Variants in IL1RAPL1 observed in about 807,000 individuals in gnomAD.
IL1RAPL1 encodes the protein interleukin 1 receptor accessory protein like 1, also known as interleukin-1 receptor accessory protein-like 1.
IL1RAPL1 carries 3 observed loss-of-function variants against 48.4 expected under a neutral mutation model. The ratio of observed to expected loss-of-function variants is 0.06; its 90% CI spans 0.03 to 0.16. The LOEUF is 0.16. Among genes scored for constraint, IL1RAPL1 ranks in the 10% least tolerant of loss-of-function variants. IL1RAPL1 has a pLI of 1.00. For synonymous variants in IL1RAPL1, 185 were observed against 187.7 expected, an observed-to-expected ratio of 0.99 and a Z score of 0.12; for missense variants, 349 against 530.6, an observed-to-expected ratio of 0.66 and a Z score of 3.36.
At chrX:28,603,798 A>G (rs1224042854) in intron 1 of IL1RAPL1, among the ~76,000 whole-genome samples, 1 of 112,704 alleles carries the variant, frequency 8.9e-6, no homozygotes, top group Non-Finnish European at 1.9e-5. Flanking sequence ...TGGTAGATAT[A>G]TGACATTTGC....
At chrX:29,001,897 CTTTTTT>C (rs758737454) in intron 2 of IL1RAPL1, among the ~76,000 whole-genome samples, 1 of 90,166 alleles carries the variant, frequency 1.1e-5, no homozygotes. Flanking sequence ...CAATGAAGAA[CTTTTTT>C]TTTTTTTTTT....
intron 5 of IL1RAPL1, among the ~76,000 whole-genome samples, chrX:29,507,379 C>CCCCTCCCCTT (rs1935345082): frequency 7.6e-4 from 1 of 1,312 alleles, no homozygotes; most frequent in African/African-American, 3.5e-3. Flanking sequence ...TCCCTTCCCT[C>CCCCTCCCCTT]CCCTTCCCTT....
At chrX:28,972,973 C>T (rs1925121524) in intron 2 of IL1RAPL1, among the ~76,000 whole-genome samples, 1 of 111,290 alleles carries the variant, frequency 9.0e-6, no homozygotes. Flanking sequence ...TGGTCATGCC[C>T]TTCCTGCTGT....
chrX:28,802,443 A>G, intron 2 of IL1RAPL1, among the ~76,000 whole-genome samples: 1 of 112,222 alleles, frequency 8.9e-6, no homozygotes, highest in Non-Finnish European at 1.9e-5. Context: ...ATATATAAAT[A>G]TTTCTTCAAA....
intron 1 of IL1RAPL1, among the ~76,000 whole-genome samples, chrX:28,781,560 A>T (rs1936423816): frequency 9.0e-6 from 1 of 110,762 alleles, no homozygotes; most frequent in African/African-American, 3.3e-5. Context: ...AAGGCACCTG[A>T]TTAGTGGCCT....
At chrX:28,765,607 ATTTATC>A (rs1358254245) in intron 1 of IL1RAPL1, among the ~76,000 whole-genome samples, 1 of 111,484 alleles carries the variant, frequency 9.0e-6, no homozygotes, top group African/African-American at 3.3e-5. Context: ...ACTATCTGGT[ATTTATC>A]TTTATTTAAT....
At chrX:29,176,064 G>T (rs192627033) in intron 2 of IL1RAPL1, among the ~76,000 whole-genome samples, 3 of 105,178 alleles carry the variant, frequency 2.9e-5, no homozygotes, top group East Asian at 6.0e-4. Flanking sequence ...CCGTAGGTCT[G>T]GGGTAGAGTT....
chrX:29,562,786 T>C (rs1410423818), intron 5 of IL1RAPL1, among the ~76,000 whole-genome samples: 2 of 112,263 alleles, frequency 1.8e-5, no homozygotes, highest in Non-Finnish European at 3.8e-5. Context: ...CTTTGTGGTG[T>C]TACATAATCC....
At chrX:29,420,795 A>C (rs1934281738) in intron 5 of IL1RAPL1, among the ~76,000 whole-genome samples, 2 of 112,573 alleles carry the variant, frequency 1.8e-5, no homozygotes, top group East Asian at 2.8e-4. Flanking sequence ...CAAACTTCTT[A>C]GTAATTATTT....
At chrX:28,596,373 C>T (rs769261721) in intron 1 of IL1RAPL1, among the ~76,000 whole-genome samples, 1 of 109,737 alleles carries the variant, frequency 9.1e-6, no homozygotes, top group East Asian at 2.9e-4. Flanking sequence ...CCTCCCTCCC[C>T]TTCTTCTTCC....
At chrX:29,380,356 T>C (rs918257131) in intron 3 of IL1RAPL1, among the ~76,000 whole-genome samples, 7 of 112,269 alleles carry the variant, frequency 6.2e-5, no homozygotes, top group African/African-American at 1.9e-4. Context: ...GCCTCCCAAG[T>C]AGCTGGGATT....
chrX:28,929,680 C>T (rs985591856), intron 2 of IL1RAPL1, among the ~76,000 whole-genome samples: 1 of 111,863 alleles, frequency 8.9e-6, no homozygotes, highest in Non-Finnish European at 1.9e-5. Flanking sequence ...CTGGTATAGA[C>T]GTTTGATTTT....
chrX:29,282,066 C>T (rs1428724747), intron 2 of IL1RAPL1, among the ~76,000 whole-genome samples: 1 of 111,239 alleles, frequency 9.0e-6, no homozygotes, highest in Admixed American at 9.6e-5. Context: ...TCTCATGACC[C>T]TCCTCATCTA....
intron 5 of IL1RAPL1, among the ~76,000 whole-genome samples, chrX:29,537,895 T>G (rs946938440): frequency 1.8e-5 from 2 of 111,790 alleles, no homozygotes; most frequent in African/African-American, 6.5e-5. Context: ...TTCTTAATGC[T>G]GTTCCATATT....
chrX:29,577,557 G>A (rs1569342636), intron 5 of IL1RAPL1, among the ~76,000 whole-genome samples: 1 of 111,836 alleles, frequency 8.9e-6, no homozygotes, highest in South Asian at 3.7e-4. Context: ...AGAGTTACCT[G>A]GGAAATGAAG....
intron 6 of IL1RAPL1, among the ~76,000 whole-genome samples, chrX:29,843,519 G>C (rs1931180250): frequency 9.0e-6 from 1 of 111,519 alleles, no homozygotes; most frequent in Non-Finnish European, 1.9e-5. Context: ...AGACTTAGAG[G>C]CTTAAAACAA....
At chrX:29,867,843 A>G (rs768020501) in intron 6 of IL1RAPL1, among the ~76,000 whole-genome samples, 1 of 112,025 alleles carries the variant, frequency 8.9e-6, no homozygotes, top group African/African-American at 3.2e-5. Context: ...ACTTCCAAAT[A>G]GAATCATTCA....
chrX:28,944,174 C>T (rs1022647829), intron 2 of IL1RAPL1, among the ~76,000 whole-genome samples: 27 of 110,104 alleles, frequency 2.5e-4, no homozygotes, highest in African/African-American at 7.9e-4. Flanking sequence ...AAAAAATTAT[C>T]GTGGAGAAAA....
chrX:29,796,011 A>G (rs1929734909), intron 6 of IL1RAPL1, among the ~76,000 whole-genome samples: 1 of 112,459 alleles, frequency 8.9e-6, no homozygotes, highest in Non-Finnish European at 1.9e-5. Flanking sequence ...ACCACTGATA[A>G]TGGTGTGCTT....
Sources: gnomAD v4.1 joint callset for allele counts (sites outside exome capture counted in the v4.1 genomes callset) on GRCh38, gnomAD v4.1.1 for gene constraint, MANE v1.5 for transcripts, NCBI Gene and HGNC (gene_info 2026-07-23, HGNC 2026-07-21) for gene names.